The following RGL4 variants were observed in gnomAD, a reference collection of about 807,000 sequenced individuals.
RGL4 encodes ral-GDS-related protein.
RGL4 carries 41 observed loss-of-function variants against 49.6 expected under a neutral mutation model. The observed-to-expected ratio is 0.83, with a 90% confidence interval of 0.64 to 1.07. The LOEUF (loss-of-function observed/expected upper bound fraction) is 1.07, where lower values mean the gene tolerates loss of function less well. Among genes scored for constraint, RGL4 ranks in the 50% least tolerant of loss-of-function variants. RGL4 has a pLI of 0.00. For missense variants in RGL4, 610 were observed against 591.9 expected (o/e 1.03, Z -0.32); for synonymous variants, 255 against 238.0 (o/e 1.07, Z -0.66).
rs747464969 is a variant in RGL4 at position 23,694,938 on chromosome 22, C to T, written c.1017-12C>T. 3.7e-5 allele frequency: 59 copies of T among 1,609,978 alleles called. No individual in the cohort carries two copies. The Admixed American group carries it at 9.5e-4, about 26-fold the overall frequency. ...TCCCAAATTTACCCTTCTTTCTTTC[C>T]TCTGCCCATAGCAAAAGCATGAAAG... On this transcript the variant is annotated splice_polypyrimidine_tract_variant and intron_variant, in intron 5 of 10. Coordinates refer to ENST00000290691, the MANE Select transcript of RGL4 (RefSeq NM_153615.2).
rs1923731568 is a variant in RGL4, at chr22:23,699,091, C to T, written c.*208C>T. 6 of 1,535,674 alleles carry T rather than the reference C, an allele frequency of 3.9e-6. No individual in the cohort carries two copies. Among genetic ancestry groups the T allele is most frequent in the Admixed American group, 2.0e-5 (1 of 50,798 alleles). ...GACTTTTGTGAGTCAGGCGGGAGAC[C>T]ATTTTATGTTTATTTTCTTTAGTGT... is the stretch of plus-strand genomic sequence containing the variant. On this transcript the variant is annotated 3_prime_UTR_variant, in exon 11 of 11. Transcript: ENST00000290691.
Position 23,697,224 on chromosome 22 carries a change from G to A in RGL4, c.1215G>A (p.Ser405=), listed in dbSNP as rs749880708. 5.0e-6 allele frequency: 8 copies of A among 1,613,506 alleles called. No homozygotes were observed. Among genetic ancestry groups the A allele is most frequent in the African/African-American group, 2.7e-5 (2 of 74,908 alleles). The part of the protein sequence containing the change: ...DFLTELQRLD[S]AIPDDLDGNT... ...TGACTGAGTTACAGAGGCTGGATTC[G>A]GCCATCCCGGACGACCTGGATGTGA... The change falls in exon 8 of 11, where the codon TCG becomes TCA. Residue 405 remains serine (S), a synonymous_variant. Transcript: ENST00000290691.
chr22:23,692,814 GCCAGCA>G lies in RGL4; in HGVS notation c.530_535del (p.Ala177_Pro178del). 6.2e-7 allele frequency: 1 copy of G among 1,613,600 alleles called. No individual in the cohort carries two copies. The highest frequency in any genetic ancestry group is 8.5e-7 in the Non-Finnish European group (1 of 1,180,000). ...CAGGATATCTACATTCAGCACCAGG[GCCAGCA>G]CCAGCACCAGGGGAAGGGCCCCCTC... On this transcript the variant is annotated inframe_deletion, in exon 3 of 11. Transcript: ENST00000290691.
Position 23,697,865 on chromosome 22 carries a change from A to T in RGL4, c.1260+4A>T, listed in dbSNP as rs1923610063. 6.2e-7 allele frequency: 1 copy of T among 1,606,238 alleles called. No homozygotes were observed. The highest frequency in any genetic ancestry group is 1.7e-5 in the Admixed American group (1 of 58,468). ...CAACACCAACAAGAGGAGCAAGGTGAGCAGCTGGGGCACTCACGTTGGATG... is the reference window on the plus strand; with the variant it reads ...CAACACCAACAAGAGGAGCAAGGTGTGCAGCTGGGGCACTCACGTTGGATG... On this transcript the variant is annotated splice_donor_region_variant and intron_variant, in intron 9 of 10. Coordinates refer to ENST00000290691, the MANE Select transcript of RGL4 (RefSeq NM_153615.2).
intron 6 of RGL4, 44 bp from the exon 7 acceptor site, chr22:23,696,570 G>T (rs374588520): frequency 6.2e-7 from 1 of 1,612,930 alleles, no homozygotes; most frequent in South Asian, 1.1e-5. Context: ...GTAACTGGGG[G>T]AGAGGAGGAG....
In RGL4 at chr22:23,698,980, C is replaced by T; in HGVS notation, c.*97C>T. ...CACCCAGACCGTAGACACCAGGGAACCACATCTAGGAGGCTGGCAGCTCAG... is the reference window on the plus strand; with the variant it reads ...CACCCAGACCGTAGACACCAGGGAATCACATCTAGGAGGCTGGCAGCTCAG... On this transcript the variant is annotated 3_prime_UTR_variant, in exon 11 of 11. Coordinates refer to ENST00000290691, the MANE Select transcript of RGL4 (RefSeq NM_153615.2). The T allele has an allele frequency of 6.4e-7, 1 of 1,565,372 alleles. No homozygotes were observed. Among genetic ancestry groups the T allele is most frequent in the Non-Finnish European group, 8.7e-7 (1 of 1,154,554 alleles).
Position 23,694,290 on chromosome 22 carries a change from G to C in RGL4, c.913-57G>C, listed in dbSNP as rs1339134699. The C allele has an allele frequency of 3.0e-6, 4 of 1,312,316 alleles. No homozygotes were observed. In the South Asian group the frequency reaches 3.5e-5, roughly 12 times the overall value. The allele number at this position is 1,312,316 out of a possible 1,614,324, so 81.3% of individuals were successfully genotyped here. A position where few individuals can be genotyped will look rare whatever the true frequency, so the allele number is the denominator to read the frequency against. On this transcript the variant is annotated intron_variant, in intron 4 of 10. Transcript: ENST00000290691. Reference sequence around the variant, plus strand: ...GGGAGATCTCAGCAGAGGGGGCTGAGGCTGTAGTGGGCCAAGCTCCAACTC... The same window carrying C: ...GGGAGATCTCAGCAGAGGGGGCTGACGCTGTAGTGGGCCAAGCTCCAACTC...
In RGL4 at chr22:23,692,347, C is replaced by T. The variant is rs1923192154; in HGVS notation, c.192C>T (p.Ser64=). The T allele has an allele frequency of 6.2e-7, 1 of 1,614,158 alleles. No individual in the cohort carries two copies. Among genetic ancestry groups the T allele is most frequent in the South Asian group, 1.1e-5 (1 of 91,058 alleles). The stretch of plus-strand genomic sequence containing the variant: ...ACTCCATCACCAGCACCATCACCTC[C>T]ATTTTGTTCAACTGGCCCCCCGAAA... ...DSTDGLRTIT[S]ILFNWPPENT... The change falls in exon 2 of 11, where the codon TCC becomes TCT. Residue 64 remains serine (S), a synonymous_variant. Transcript: ENST00000290691.
intron 3 of RGL4, among the ~76,000 whole-genome samples, 164 bp from the exon 4 acceptor site, chr22:23,693,595 C>G (rs1923284101): frequency 6.6e-6 from 1 of 152,104 alleles, no homozygotes; most frequent in Non-Finnish European, 1.5e-5. Context: ...AAAACCAAAC[C>G]CAGGGACTCC....
At chr22:23,694,671 CT>C in intron 5 of RGL4, 1 of 596,454 alleles carries the variant, frequency 1.7e-6, no homozygotes, top group Admixed American at 2.9e-5. Context: ...CTGGAGCCAA[CT>C]GGAGGCTTTC....
Position 23,691,821 on chromosome 22 carries a change from G to C in RGL4, c.-210G>C. On this transcript the variant is annotated 5_prime_UTR_variant, in exon 1 of 11. Transcript: ENST00000290691. ...TTCCCACGAGAAGGCTGACATCTGG[G>C]GACTTCCCCCACAAGAGGCAAATAG... 1.9e-6 allele frequency: 1 copy of C among 530,110 alleles called. No homozygotes were observed. Among genetic ancestry groups the C allele is most frequent in the South Asian group, 2.9e-5 (1 of 34,874 alleles). 32.8% of individuals were successfully genotyped at this position (530,110 alleles called of 1,614,324 possible).
intron 10 of RGL4, 191 bp downstream of exon 10, chr22:23,698,524 C>T (rs747807309): frequency 1.1e-5 from 8 of 738,496 alleles, no homozygotes; most frequent in African/African-American, 3.5e-5. Flanking sequence ...CCACCATGTC[C>T]GGTTGTTCTG....
intron 6 of RGL4, chr22:23,696,331 G>A (rs938119133): frequency 1.5e-6 from 2 of 1,358,860 alleles, no homozygotes; most frequent in South Asian, 1.5e-5. Context: ...TCCTCAGAGG[G>A]ATGACGGTGA....
At chr22:23,695,143 G>A (rs1009543130) in intron 6 of RGL4, 124 bp downstream of exon 6, 1 of 721,322 alleles carries the variant, frequency 1.4e-6, no homozygotes, top group Non-Finnish European at 2.4e-6. Context: ...CCTACTAAAA[G>A]TGGACTTGAA....
rs779944507 is a variant in RGL4 at position 23,697,850 on chromosome 22, A to G, written c.1249A>G (p.Lys417Glu). 1 of 1,607,418 alleles carries G rather than the reference A, an allele frequency of 6.2e-7. No individual in the cohort carries two copies. The highest frequency in any genetic ancestry group is 2.2e-5 in the East Asian group (1 of 44,674). Residue 417 changes from lysine (K) to glutamate (E), a missense_variant, in exon 9 of 11, where the codon AAG (lysine) becomes GAG (glutamate). Physicochemically the swap from Lys to Glu is moderately conservative, Grantham distance 56. Transcript: ENST00000290691. ...GTCTGCCTTCCAGGGCAACACCAAC[A>G]AGAGGAGCAAGGTGAGCAGCTGGGG... ...IPDDLDGNTN[K>E]RSKEVRVLQE...
chr22:23,696,519 C>G, intron 6 of RGL4, 95 bp from the exon 7 acceptor site: 1 of 1,594,118 alleles, frequency 6.3e-7, no homozygotes, highest in Non-Finnish European at 8.5e-7. Flanking sequence ...CCAGGTGGCT[C>G]CCGCCACTCC....
chr22:23,693,178 C>A, intron 3 of RGL4, 187 bp downstream of exon 3: 2 of 1,000,866 alleles, frequency 2.0e-6, no homozygotes, highest in Non-Finnish European at 2.8e-6. Context: ...TGGGACATCA[C>A]CAGCGCCAGC....
In RGL4 at chr22:23,692,793, A is replaced by G. The variant is rs967286356; in HGVS notation, c.498A>G (p.Gly166=). Residue 166 remains glycine (G), a synonymous_variant, in exon 3 of 11, where the codon GGA becomes GGG. Transcript: ENST00000290691. ...PESPAALGPP[G]YLHSAPGPAP... is the part of the protein sequence containing the mutation. ...CACCTGCAGCCCTGGGTCCACCAGG[A>G]TATCTACATTCAGCACCAGGGCCAG... The G allele has an allele frequency of 1.2e-6, 2 of 1,613,472 alleles. No homozygotes were observed. The highest frequency in any genetic ancestry group is 1.7e-5 in the Admixed American group (1 of 60,004).
rs773233566 is a variant in RGL4, at chr22:23,696,645, G to C, written c.1118G>C (p.Arg373Thr). 2 of 1,613,790 alleles carry C rather than the reference G, an allele frequency of 1.2e-6. No individual in the cohort carries two copies. The highest frequency in any genetic ancestry group is 2.2e-5 in the South Asian group (2 of 91,072). ...AGCTTTAAGGTGGCCACCCAGGAGA[G>C]GAACCCCCAGAGAGTCCAGATGAGG... Reference protein sequence around the residue: ...AGSFKVATQERNPQRVQMRLR... With the variant: ...AGSFKVATQETNPQRVQMRLR... The change falls in exon 7 of 11, where the codon AGG becomes ACG. Residue 373 changes from arginine to threonine, a missense_variant. Arg to Thr is a moderately conservative substitution (Grantham distance 71). Transcript: ENST00000290691.
Sources: allele counts gnomAD v4.1 joint callset (sites outside exome capture counted in the v4.1 genomes callset), GRCh38; gene constraint gnomAD v4.1.1; transcripts MANE v1.5; gene names NCBI Gene and HGNC (gene_info 2026-07-23, HGNC 2026-07-21).